TOM1: variants seen among roughly 807,000 people sequenced by gnomAD.
TOM1 encodes the protein target of Myb protein 1.
TOM1 carries 38 observed loss-of-function variants against 61.3 expected under a neutral mutation model. That is an observed-to-expected ratio of 0.62 (90% CI 0.48 to 0.81). TOM1 has a LOEUF of 0.81. TOM1 is among the 40% of genes least tolerant of loss of function. The pLI is 0.00. For missense variants in TOM1, 591 were observed against 659.6 expected (o/e 0.90, Z 1.14); for synonymous variants, 270 against 268.8 (o/e 1.00, Z -0.04).
intron 6 of TOM1, among the ~76,000 whole-genome samples, chr22:35,326,854 T>A (rs188102573): frequency 9.2e-4 from 139 of 150,706 alleles, no homozygotes; most frequent in Non-Finnish European, 1.7e-3. Context: ...GAGGGCGGAA[T>A]CCCAGTCCTC....
chr22:35,316,336 G>A (rs1261261637), intron 1 of TOM1, among the ~76,000 whole-genome samples: 1 of 152,268 alleles, frequency 6.6e-6, no homozygotes, highest in Non-Finnish European at 1.5e-5. Flanking sequence ...TTACCTGCAA[G>A]AAACAGGGCA....
chr22:35,299,633 G>A, upstream of TOM1: 1 of 451,998 alleles, frequency 2.2e-6, no homozygotes, highest in East Asian at 4.8e-5. Flanking sequence ...TTTAGACCTC[G>A]CCCTAAAAGG....
At chr22:35,342,123 A>G (rs1480230698) in intron 12 of TOM1, among the ~76,000 whole-genome samples, 1 of 152,132 alleles carries the variant, frequency 6.6e-6, no homozygotes, top group African/African-American at 2.4e-5. Flanking sequence ...CCTGGGCAAC[A>G]TAGTAAGACT....
At chr22:35,340,420 G>C (rs1014525280) in intron 12 of TOM1, among the ~76,000 whole-genome samples, 16 of 152,272 alleles carry the variant, frequency 1.1e-4, no homozygotes, top group African/African-American at 3.9e-4. Flanking sequence ...GGAGGGACTT[G>C]ACTTCCAATC....
At chr22:35,340,847 C>T (rs1929814143) in intron 12 of TOM1, among the ~76,000 whole-genome samples, 1 of 152,210 alleles carries the variant, frequency 6.6e-6, no homozygotes, top group Non-Finnish European at 1.5e-5. Context: ...TCTCTCCGCT[C>T]CTGGGTCTCC....
intron 6 of TOM1, among the ~76,000 whole-genome samples, chr22:35,324,947 C>G (rs923649671): frequency 1.3e-5 from 2 of 152,196 alleles, no homozygotes; most frequent in Non-Finnish European, 2.9e-5. Context: ...AGGTGGCACC[C>G]TGGGCATGTC....
At chr22:35,327,718 A>C (rs1928461759) in intron 7 of TOM1, among the ~76,000 whole-genome samples, 1 of 152,180 alleles carries the variant, frequency 6.6e-6, no homozygotes, top group African/African-American at 2.4e-5. Context: ...GTACAGAGTA[A>C]AGCACCCAGT....
intron 11 of TOM1, among the ~76,000 whole-genome samples, chr22:35,335,011 C>T (rs1276237775): frequency 6.6e-6 from 1 of 152,168 alleles, no homozygotes; most frequent in Non-Finnish European, 1.5e-5. Flanking sequence ...GGGGCTCTGC[C>T]CTTCCCTGTG....
intron 12 of TOM1, among the ~76,000 whole-genome samples, chr22:35,343,457 C>G (rs1425921211): frequency 6.8e-6 from 1 of 146,846 alleles, no homozygotes; most frequent in African/African-American, 2.5e-5. Flanking sequence ...CACACCTACA[C>G]ACACACATTC....
rs150015044 is a variant in TOM1 at position 35,300,148 on chromosome 22, G to A, written c.52+168G>A. Among the ~76,000 whole-genome samples the A allele has an allele frequency of 2.0e-5, 3 of 152,382 alleles. No individual in the cohort carries two copies. The East Asian group carries it at 5.8e-4, about 29-fold the overall frequency. The stretch of plus-strand genomic sequence containing the variant: ...CTTTCCTCCCACTCTTGATTGACAA[G>A]AACTTGGGCCATTAGGAAGCCTTGG... On this transcript the variant is annotated intron_variant, in intron 1 of 14. Coordinates refer to ENST00000449058, the MANE Select transcript of TOM1 (RefSeq NM_005488.3).
intron 11 of TOM1, 38 bp downstream of exon 11, chr22:35,334,486 G>A (rs779207585): frequency 1.3e-5 from 21 of 1,611,682 alleles, no homozygotes; most frequent in Middle Eastern, 3.3e-4. Flanking sequence ...CCTGCAGTTC[G>A]GGTGGCTCTC....
At chr22:35,326,181 A>T (rs1429466592) in intron 6 of TOM1, among the ~76,000 whole-genome samples, 1 of 152,220 alleles carries the variant, frequency 6.6e-6, no homozygotes, top group African/African-American at 2.4e-5. Context: ...CACAATCATG[A>T]ATGTATATAG....
intron 7 of TOM1, among the ~76,000 whole-genome samples, chr22:35,330,026 T>A (rs990032545): frequency 2.0e-5 from 3 of 152,048 alleles, no homozygotes; most frequent in Admixed American, 6.6e-5. Flanking sequence ...ACGCCTGTAA[T>A]CCCAGCACTT....
At chr22:35,309,257 G>T (rs1454017131) in intron 1 of TOM1, among the ~76,000 whole-genome samples, 1 of 152,144 alleles carries the variant, frequency 6.6e-6, no homozygotes, top group African/African-American at 2.4e-5. Flanking sequence ...AGTTACCCAG[G>T]CTCACACAGC....
At chr22:35,319,622 T>C (rs1927600147) in intron 2 of TOM1, among the ~76,000 whole-genome samples, 1 of 152,188 alleles carries the variant, frequency 6.6e-6, no homozygotes, top group Non-Finnish European at 1.5e-5. Context: ...CCCAGGTCAG[T>C]GGCGCATGGC....
chr22:35,308,802 G>C (rs2145616373), intron 1 of TOM1, among the ~76,000 whole-genome samples: 1 of 152,252 alleles, frequency 6.6e-6, no homozygotes, highest in East Asian at 1.9e-4. Context: ...CCTTTTGTTA[G>C]GTACTATAGT....
chr22:35,318,384 T>C (rs1489297811), intron 2 of TOM1: 3 of 189,926 alleles, frequency 1.6e-5, no homozygotes, highest in South Asian at 1.2e-4. Context: ...TCCTTAAGAT[T>C]TGAAACCAGC....
intron 1 of TOM1, among the ~76,000 whole-genome samples, chr22:35,307,661 TG>T (rs1926442424): frequency 6.6e-6 from 1 of 152,024 alleles, no homozygotes; most frequent in South Asian, 2.1e-4. Context: ...TCGCTCCTGC[TG>T]GGGAAGGTAG....
chr22:35,318,325 T>A, intron 2 of TOM1: 1 of 281,028 alleles, frequency 3.6e-6, no homozygotes, highest in Non-Finnish European at 6.7e-6. Flanking sequence ...GGCGGGAGTG[T>A]GTACTAGAGA....
Sources: gnomAD v4.1 joint callset for allele counts (sites outside exome capture counted in the v4.1 genomes callset) on GRCh38, gnomAD v4.1.1 for gene constraint, MANE v1.5 for transcripts, NCBI Gene and HGNC (gene_info 2026-07-23, HGNC 2026-07-21) for gene names.